ROBO1: variants seen among roughly 807,000 people sequenced by gnomAD.
The protein encoded by ROBO1 is roundabout homolog 1.
In ROBO1, 149 loss-of-function variants were observed where a neutral mutation model predicts 195.9. The ratio of observed to expected loss-of-function variants is 0.76; its 90% CI spans 0.67 to 0.87. The LOEUF is 0.87. ROBO1 is among the 40% of genes least tolerant of loss of function. The probability of loss-of-function intolerance (pLI) is 0.00; values close to 1 mark genes in which losing one functional copy is unlikely to be tolerated. For missense variants in ROBO1, 1,933 were observed against 2,068.3 expected (o/e 0.93, Z 1.27); for synonymous variants, 816 against 733.2 (o/e 1.11, Z -1.82).
At chr3:79,750,809 G>T (rs1249749637) in intron 1 of ROBO1, among the ~76,000 whole-genome samples, 2 of 152,140 alleles carry the variant, frequency 1.3e-5, no homozygotes, top group Non-Finnish European at 2.9e-5. Context: ...TTTATTAGCA[G>T]CTTGAATATG....
chr3:79,727,778 C>T (rs1010745736), intron 1 of ROBO1, among the ~76,000 whole-genome samples: 1 of 152,116 alleles, frequency 6.6e-6, no homozygotes, highest in Admixed American at 6.5e-5. Context: ...AAATATTGGC[C>T]ATGATTCTAC....
At chr3:78,851,541 T>C (rs1394678204) in intron 4 of ROBO1, among the ~76,000 whole-genome samples, 1 of 152,202 alleles carries the variant, frequency 6.6e-6, no homozygotes, top group African/African-American at 2.4e-5. Context: ...GCATACAGAA[T>C]ACATTCAATA....
chr3:79,272,426 G>GA (rs951257533), intron 2 of ROBO1, among the ~76,000 whole-genome samples: 2 of 151,816 alleles, frequency 1.3e-5, no homozygotes, highest in African/African-American at 2.4e-5. Context: ...TATCCACACA[G>GA]AAAAAAACAC....
chr3:79,693,644 C>G (rs1420831007), intron 1 of ROBO1, among the ~76,000 whole-genome samples: 3 of 151,548 alleles, frequency 2.0e-5, no homozygotes, highest in Non-Finnish European at 4.4e-5. Context: ...GGTAATGTGG[C>G]CCAGGCTGGT....
Position 78,600,058 on chromosome 3 carries a change from T to C in ROBO1, c.4941+55A>G, listed in dbSNP as rs193075340. The C allele has an allele frequency of 3.8e-5, 53 of 1,407,718 alleles. No homozygotes were observed. In the East Asian group the frequency reaches 1.1e-3, roughly 30 times the overall value. The allele number at this position is 1,407,718 out of a possible 1,614,324, so 87.2% of individuals were successfully genotyped here. ...CTGTACACTGATGAAGGTTCCTAAC[T>C]ACATAAAACAACCACAGTCTAACAT... is the stretch of plus-strand genomic sequence containing the variant. On this transcript the variant is annotated intron_variant, in intron 30 of 30. Coordinates refer to ENST00000464233, the MANE Select transcript of ROBO1 (RefSeq NM_002941.4).
intron 3 of ROBO1, among the ~76,000 whole-genome samples, chr3:79,039,424 T>C (rs1425570180): frequency 6.6e-6 from 1 of 152,000 alleles, no homozygotes; most frequent in Non-Finnish European, 1.5e-5. Context: ...GATTAGGGAG[T>C]ATTGTACTGC....
At chr3:79,685,898 G>T (rs953524818) in intron 1 of ROBO1, among the ~76,000 whole-genome samples, 3 of 152,078 alleles carry the variant, frequency 2.0e-5, no homozygotes, top group Admixed American at 1.3e-4. Context: ...TGATACCAAA[G>T]CCTGGCAGAG....
intron 2 of ROBO1, among the ~76,000 whole-genome samples, chr3:79,143,848 C>A (rs1019379334): frequency 6.6e-6 from 1 of 151,940 alleles, no homozygotes; most frequent in Non-Finnish European, 1.5e-5. Flanking sequence ...GTCCCACACA[C>A]TTTCCTCCCA....
At chr3:78,773,063 T>A (rs1276366767) in intron 4 of ROBO1, among the ~76,000 whole-genome samples, 3 of 152,148 alleles carry the variant, frequency 2.0e-5, no homozygotes, top group Non-Finnish European at 4.4e-5. Context: ...TCACTGACTA[T>A]AAGGTGCACA....
intron 1 of ROBO1, among the ~76,000 whole-genome samples, chr3:79,630,270 T>A (rs949071243): frequency 6.6e-6 from 1 of 151,936 alleles, no homozygotes; most frequent in Non-Finnish European, 1.5e-5. Flanking sequence ...AAATCCACCA[T>A]CACATCAAAA....
Position 78,923,200 on chromosome 3 carries a change from T to A in ROBO1, c.499+15401A>T, listed in dbSNP as rs576283648. ...TCAGCTTCAAGAGTTAAGCTCAGAG[T>A]ACATTCATTCACTAAACATTTTTGA... On this transcript the variant is annotated intron_variant, in intron 4 of 30. Coordinates refer to ENST00000464233, the MANE Select transcript of ROBO1 (RefSeq NM_002941.4). Among the ~76,000 whole-genome samples, 16 of 152,188 alleles carry A rather than the reference T, an allele frequency of 1.1e-4. No homozygotes were observed. The South Asian group carries it at 3.1e-3, about 30-fold the overall frequency.
chr3:78,662,039 T>C lies in ROBO1; in HGVS notation c.2042A>G (p.His681Arg), dbSNP rs1460586862. Residue 681 changes from histidine to arginine, a missense_variant, in exon 15 of 31, where the codon CAC (histidine) becomes CGC (arginine). Coordinates refer to ENST00000464233, the MANE Select transcript of ROBO1 (RefSeq NM_002941.4). ...AGAGGAAGAAAGGACGGTGGGGTTG[T>C]GGAGGTGCAGAACAGCATTTCCCAG... Reference protein sequence around the residue: ...RELGNAVLHLHNPTVLSSSSI... With the variant: ...RELGNAVLHLRNPTVLSSSSI... 3.1e-6 allele frequency: 5 copies of C among 1,602,148 alleles called. No homozygotes were observed. The highest frequency in any genetic ancestry group is 4.3e-6 in the Non-Finnish European group (5 of 1,174,256).
At position 79,584,074 on chromosome 3, in the gene ROBO1, T is replaced by C. The variant is rs1002039383; in HGVS notation, c.88+5750A>G. Among the ~76,000 whole-genome samples, 7 of 152,004 alleles carry C rather than the reference T, an allele frequency of 4.6e-5. No individual in the cohort carries two copies. The East Asian group carries it at 1.4e-3, about 29-fold the overall frequency. Reference sequence around the variant, plus strand: ...TTATTGCTAACAATTTAGAAATTAATTCAAATAAGCTCTCAACCTGGCCTT... The same window carrying C: ...TTATTGCTAACAATTTAGAAATTAACTCAAATAAGCTCTCAACCTGGCCTT... On this transcript the variant is annotated intron_variant, in intron 2 of 30. Coordinates refer to ENST00000464233, the MANE Select transcript of ROBO1 (RefSeq NM_002941.4).
chr3:79,115,213 C>T (rs2079970386), intron 3 of ROBO1, among the ~76,000 whole-genome samples: 1 of 152,020 alleles, frequency 6.6e-6, no homozygotes, highest in Non-Finnish European at 1.5e-5. Flanking sequence ...TTAGCATCGG[C>T]AAAGCTCAAG....
chr3:79,409,702 C>G (rs952544060), intron 2 of ROBO1, among the ~76,000 whole-genome samples: 2 of 152,098 alleles, frequency 1.3e-5, no homozygotes, highest in African/African-American at 4.8e-5. Context: ...AAGGTTGAAA[C>G]CCATGAGTCT....
At chr3:79,542,873 G>A (rs1000757008) in intron 2 of ROBO1, among the ~76,000 whole-genome samples, 1 of 151,896 alleles carries the variant, frequency 6.6e-6, no homozygotes. Flanking sequence ...CACATTATTA[G>A]CATAAATTTC....
At chr3:78,657,522 C>T (rs1034066173) in intron 17 of ROBO1, among the ~76,000 whole-genome samples, 1 of 152,174 alleles carries the variant, frequency 6.6e-6, no homozygotes, top group African/African-American at 2.4e-5. Context: ...TCAGGTAAGT[C>T]TACAAATCTG....
At chr3:79,540,489 A>G (rs530246306) in intron 2 of ROBO1, among the ~76,000 whole-genome samples, 1 of 152,206 alleles carries the variant, frequency 6.6e-6, no homozygotes, top group African/African-American at 2.4e-5. Flanking sequence ...TATGCTTTCA[A>G]CATCCGCTCA....
chr3:79,469,960 G>A (rs988362360), intron 2 of ROBO1, among the ~76,000 whole-genome samples: 1 of 152,118 alleles, frequency 6.6e-6, no homozygotes, highest in Admixed American at 6.6e-5. Context: ...GGCTGAGAAG[G>A]AGCAACAATG....
Sources: allele counts gnomAD v4.1 joint callset (sites outside exome capture counted in the v4.1 genomes callset), GRCh38; gene constraint gnomAD v4.1.1; transcripts MANE v1.5; gene names NCBI Gene and HGNC (gene_info 2026-07-23, HGNC 2026-07-21).